GABRG3: variants seen among roughly 807,000 people sequenced by gnomAD.
The protein encoded by GABRG3 is gamma-aminobutyric acid receptor subunit gamma-3.
A neutral mutation model predicts 48.8 loss-of-function variants in GABRG3; 25 were observed. That is an observed-to-expected ratio of 0.51 (90% CI 0.37 to 0.72). The LOEUF (loss-of-function observed/expected upper bound fraction) is 0.72. Ranked by LOEUF, GABRG3 falls within the 30% of genes least tolerant of loss-of-function variation. GABRG3 has a pLI of 0.00. For missense variants in GABRG3, 394 were observed against 577.9 expected (o/e 0.68, Z 3.26); for synonymous variants, 227 against 217.6 (o/e 1.04, Z -0.38).
intron 3 of GABRG3, among the ~76,000 whole-genome samples, chr15:27,306,108 C>A (rs1892412025): frequency 3.8e-5 from 4 of 106,508 alleles, no homozygotes; most frequent in Admixed American, 1.1e-4. Context: ...TATATATAAA[C>A]ATATATAATA....
chr15:27,388,334 G>C (rs1896093325), intron 5 of GABRG3, among the ~76,000 whole-genome samples: 1 of 65,092 alleles, frequency 1.5e-5, no homozygotes, highest in Non-Finnish European at 3.2e-5. Context: ...AAGGAAGGAA[G>C]GAAAGGTGGG....
intron 5 of GABRG3, among the ~76,000 whole-genome samples, chr15:27,384,017 T>A (rs1895853154): frequency 1.3e-5 from 2 of 152,226 alleles, no homozygotes; most frequent in Non-Finnish European, 2.9e-5. Flanking sequence ...AAGGACTACA[T>A]GACAGACTTT....
chr15:27,046,218 C>T (rs1358891278), intron 3 of GABRG3, among the ~76,000 whole-genome samples: 3 of 151,978 alleles, frequency 2.0e-5, no homozygotes, highest in Admixed American at 6.6e-5. Flanking sequence ...CCCAGCCTCC[C>T]GAGTAGCTGG....
At chr15:27,504,794 A>G (rs910592467) in intron 6 of GABRG3, among the ~76,000 whole-genome samples, 1 of 152,036 alleles carries the variant, frequency 6.6e-6, no homozygotes, top group East Asian at 1.9e-4. Flanking sequence ...TGTCTAGGAA[A>G]GTCTTTATTT....
intron 5 of GABRG3, among the ~76,000 whole-genome samples, chr15:27,344,462 C>T (rs985462161): frequency 1.3e-5 from 2 of 152,084 alleles, no homozygotes; most frequent in African/African-American, 2.4e-5. Context: ...ACTAAAGTCT[C>T]GTTGCAGTGA....
chr15:27,054,163 C>T (rs1387327879), intron 3 of GABRG3, among the ~76,000 whole-genome samples: 6 of 151,470 alleles, frequency 4.0e-5, no homozygotes, highest in Non-Finnish European at 8.8e-5. Flanking sequence ...CCCTTGAGCC[C>T]GGGAGGCGGA....
At chr15:27,026,702 CTCTG>C (rs1895988928) in intron 2 of GABRG3, 48 bp from the exon 3 acceptor site, 5 of 1,381,762 alleles carry the variant, frequency 3.6e-6, no homozygotes, top group Non-Finnish European at 4.0e-6. Flanking sequence ...ATGTGCTCTC[CTCTG>C]TCTTTCTCCG....
At chr15:27,118,915 A>C (rs2140375025) in intron 3 of GABRG3, among the ~76,000 whole-genome samples, 1 of 152,342 alleles carries the variant, frequency 6.6e-6, no homozygotes, top group Admixed American at 6.5e-5. Flanking sequence ...TGAGGGGATC[A>C]GTACACACTG....
intron 3 of GABRG3, among the ~76,000 whole-genome samples, chr15:27,313,783 C>T (rs1033992495): frequency 2.0e-5 from 3 of 151,868 alleles, no homozygotes; most frequent in African/African-American, 2.4e-5. Flanking sequence ...ACCAATGAAA[C>T]GAAAGCATAA....
chr15:27,042,703 C>T (rs972428009), intron 3 of GABRG3, among the ~76,000 whole-genome samples: 3 of 152,254 alleles, frequency 2.0e-5, no homozygotes, highest in East Asian at 3.9e-4. Context: ...GTCAGTCTCT[C>T]CACATGCCCT....
intron 3 of GABRG3, among the ~76,000 whole-genome samples, chr15:27,325,939 A>G (rs1259015345): frequency 1.3e-5 from 2 of 152,234 alleles, no homozygotes; most frequent in Admixed American, 6.5e-5. Context: ...TGCAAGATAT[A>G]AAAATCCCTT....
At chr15:27,484,189 G>T (rs1268901891) in intron 6 of GABRG3, among the ~76,000 whole-genome samples, 2 of 152,178 alleles carry the variant, frequency 1.3e-5, no homozygotes, top group Non-Finnish European at 2.9e-5. Flanking sequence ...ACGCATCTGG[G>T]CCTCCCAAAG....
At chr15:27,128,579 A>G (rs951740473) in intron 3 of GABRG3, among the ~76,000 whole-genome samples, 4 of 152,178 alleles carry the variant, frequency 2.6e-5, no homozygotes, top group African/African-American at 7.2e-5. Flanking sequence ...CACGTTGCTG[A>G]TATTTTATAT....
intron 3 of GABRG3, among the ~76,000 whole-genome samples, chr15:27,029,357 T>C (rs975783628): frequency 2.0e-5 from 3 of 152,158 alleles, no homozygotes; most frequent in African/African-American, 7.2e-5. Context: ...GGAGTCTGAT[T>C]TCCTGAGGAA....
intron 5 of GABRG3, among the ~76,000 whole-genome samples, chr15:27,476,764 A>G (rs954920824): frequency 3.3e-5 from 5 of 152,218 alleles, no homozygotes; most frequent in Non-Finnish European, 4.4e-5. Context: ...GGGCAAAATT[A>G]CTTGAAAAAA....
intron 2 of GABRG3, among the ~76,000 whole-genome samples, chr15:26,992,008 T>A (rs1405069262): frequency 1.3e-5 from 2 of 152,194 alleles, no homozygotes; most frequent in Non-Finnish European, 2.9e-5. Context: ...CATGAGCCAC[T>A]GCGCCCAGCC....
intron 3 of GABRG3, among the ~76,000 whole-genome samples, chr15:27,137,600 A>G (rs889628446): frequency 6.6e-6 from 1 of 152,190 alleles, no homozygotes; most frequent in Non-Finnish European, 1.5e-5. Context: ...AATGAAGCCT[A>G]ATGTATAACA....
intron 5 of GABRG3, among the ~76,000 whole-genome samples, chr15:27,441,340 G>A (rs1160379611): frequency 6.6e-6 from 1 of 152,154 alleles, no homozygotes; most frequent in Non-Finnish European, 1.5e-5. Flanking sequence ...ATTGATCCTT[G>A]TAAACCACGT....
At chr15:27,096,763 A>G (rs1468094246) in intron 3 of GABRG3, among the ~76,000 whole-genome samples, 2 of 150,488 alleles carry the variant, frequency 1.3e-5, no homozygotes, top group Admixed American at 1.3e-4. Flanking sequence ...TTGTTTTTCT[A>G]TTGCTGTATG....
Sources: allele counts gnomAD v4.1 joint callset (sites outside exome capture counted in the v4.1 genomes callset), GRCh38; gene constraint gnomAD v4.1.1; transcripts MANE v1.5; gene names NCBI Gene and HGNC (gene_info 2026-07-23, HGNC 2026-07-21).